Variants in RPTOR observed in about 807,000 individuals in gnomAD.
The protein encoded by RPTOR is regulatory-associated protein of mTOR.
A neutral mutation model predicts 169.9 loss-of-function variants in RPTOR; 21 were observed. The ratio of observed to expected loss-of-function variants is 0.12; its 90% CI spans 0.09 to 0.18. The LOEUF (loss-of-function observed/expected upper bound fraction) is 0.18, where lower values mean the gene tolerates loss of function less well. Among genes scored for constraint, RPTOR ranks in the 10% least tolerant of loss-of-function variants. The pLI, the probability that RPTOR is intolerant of heterozygous loss-of-function variation, is 1.00. For missense variants in RPTOR, 1,133 were observed against 1,855.9 expected (o/e 0.61, Z 7.16); for synonymous variants, 732 against 753.2 (o/e 0.97, Z 0.46).
In RPTOR at chr17:80,846,460, G is replaced by C; in HGVS notation, c.1213-13G>C. ...CATGGCCCTAACAAGCACCTGTTCT[G>C]CTTGCCCCGCAGCACAGCCCGTTCT... On this transcript the variant is annotated splice_polypyrimidine_tract_variant and intron_variant, in intron 10 of 33. Coordinates refer to ENST00000306801, the MANE Select transcript of RPTOR (RefSeq NM_020761.3). The C allele has an allele frequency of 6.2e-7, 1 of 1,613,004 alleles. No individual in the cohort carries two copies. The highest frequency in any genetic ancestry group is 8.5e-7 in the Non-Finnish European group (1 of 1,179,546).
chr17:80,923,116 A>G (rs950152027), intron 22 of RPTOR, among the ~76,000 whole-genome samples: 2 of 152,162 alleles, frequency 1.3e-5, no homozygotes, highest in Admixed American at 1.3e-4. Context: ...AGAGTTTGTA[A>G]GAGGGGATCT....
Position 80,949,541 on chromosome 17 carries a change from A to G in RPTOR, c.3364A>G (p.Thr1122Ala), listed in dbSNP as rs2069146813. 6.2e-7 allele frequency: 1 copy of G among 1,613,626 alleles called. No homozygotes were observed. The highest frequency in any genetic ancestry group is 8.5e-7 in the Non-Finnish European group (1 of 1,179,912). ...GGGGCTCTCGGACATGCTGCCAACG[A>G]CGCGAGGTGGGTCCGCCCGGCTCCT... ...WQGLSDMLPT[T>A]RGAGMVVDWE... Residue 1122 changes from threonine (T) to alanine (A), a missense_variant, in exon 28 of 34, where the codon ACG (threonine) becomes GCG (alanine). Around this residue, in one of 9 missense-constraint regions of RPTOR, gnomAD observed 410 missense variants for 623.7 expected, o/e 0.66. Coordinates refer to ENST00000306801, the MANE Select transcript of RPTOR (RefSeq NM_020761.3).
intron 3 of RPTOR, among the ~76,000 whole-genome samples, chr17:80,701,541 C>G (rs1598237366): frequency 6.6e-6 from 1 of 152,178 alleles, no homozygotes; most frequent in African/African-American, 2.4e-5. Context: ...GAAATCTTTG[C>G]ATCCTACTTG....
chr17:80,593,070 A>G (rs1599584289), intron 1 of RPTOR, among the ~76,000 whole-genome samples: 1 of 152,126 alleles, frequency 6.6e-6, no homozygotes, highest in East Asian at 1.9e-4. Context: ...CTGGTTGCTG[A>G]GGGACAGGCA....
chr17:80,826,750 G>A (rs975761479), intron 9 of RPTOR, among the ~76,000 whole-genome samples: 4 of 152,222 alleles, frequency 2.6e-5, no homozygotes, highest in African/African-American at 9.6e-5. Flanking sequence ...CCTCCAGTGG[G>A]GTGCACAGGG....
chr17:80,757,407 G>A (rs758621712), intron 6 of RPTOR, among the ~76,000 whole-genome samples: 8 of 152,090 alleles, frequency 5.3e-5, no homozygotes, highest in Non-Finnish European at 8.8e-5. Flanking sequence ...CTGTAATGTC[G>A]AAGTCCTTTC....
At chr17:80,757,836 C>CA in intron 6 of RPTOR, among the ~76,000 whole-genome samples, 1 of 152,130 alleles carries the variant, frequency 6.6e-6, no homozygotes, top group Non-Finnish European at 1.5e-5. Context: ...ATGCGCCCCT[C>CA]ATTGTAGTCT....
Position 80,545,502 on chromosome 17 carries a change from T to C in RPTOR, c.-128T>C. On this transcript the variant is annotated 5_prime_UTR_variant, in exon 1 of 34. Coordinates refer to ENST00000306801, the MANE Select transcript of RPTOR (RefSeq NM_020761.3). ...TGCCTGAGTAAGGGTCTCCGCACTCTTTATCCATTTGGTTTTCGATTTCCC... is the reference window on the plus strand; with the variant it reads ...TGCCTGAGTAAGGGTCTCCGCACTCCTTATCCATTTGGTTTTCGATTTCCC... The C allele has an allele frequency of 1.4e-6, 1 of 721,406 alleles. No homozygotes were observed. Among genetic ancestry groups the C allele is most frequent in the Non-Finnish European group, 2.3e-6 (1 of 429,160 alleles). 44.7% of individuals were successfully genotyped at this position (721,406 alleles called of 1,614,324 possible).
chr17:80,834,717 T>C lies in RPTOR; in HGVS notation c.1137-3205T>C, dbSNP rs199997324. Among the ~76,000 whole-genome samples the C allele has an allele frequency of 5.3e-5, 8 of 152,282 alleles. No homozygotes were observed. The East Asian group carries it at 1.5e-3, about 29-fold the overall frequency. On this transcript the variant is annotated intron_variant, in intron 9 of 33. Transcript: ENST00000306801. ...GTGCTGAGCGATGTCTCCAGTGCAG[T>C]TCAGGCCTTCAACACCAAGCGAGGG...
chr17:80,755,833 G>A (rs1194923439), intron 6 of RPTOR, among the ~76,000 whole-genome samples: 1 of 151,870 alleles, frequency 6.6e-6, no homozygotes, highest in African/African-American at 2.4e-5. Context: ...CTGCTGTCCA[G>A]CCAGTACCCC....
intron 1 of RPTOR, among the ~76,000 whole-genome samples, chr17:80,581,542 C>T (rs913939486): frequency 7.3e-6 from 1 of 137,854 alleles, no homozygotes; most frequent in Non-Finnish European, 1.6e-5. Flanking sequence ...TACCGCACAT[C>T]GGGCCAGTGC....
At chr17:80,961,148 G>A (rs1454363093) in intron 30 of RPTOR, 3 of 494,264 alleles carry the variant, frequency 6.1e-6, no homozygotes, top group East Asian at 6.3e-5. Flanking sequence ...TCCTCCAGCG[G>A]CCTGACGGTG....
chr17:80,787,796 A>G (rs1186609517), intron 6 of RPTOR, among the ~76,000 whole-genome samples: 3 of 152,100 alleles, frequency 2.0e-5, no homozygotes, highest in Admixed American at 1.3e-4. Context: ...TTCAGTGGCC[A>G]TAGTTATGTC....
chr17:80,749,365 A>G (rs1598279274), intron 5 of RPTOR, among the ~76,000 whole-genome samples: 3 of 44,436 alleles, frequency 6.8e-5, no homozygotes, highest in African/African-American at 1.6e-4. Context: ...GACCTGTTGG[A>G]TGGAGGGACT....
chr17:80,813,141 G>T (rs2067289999), intron 7 of RPTOR, among the ~76,000 whole-genome samples: 1 of 152,156 alleles, frequency 6.6e-6, no homozygotes, highest in Non-Finnish European at 1.5e-5. Flanking sequence ...CGCTAAAATG[G>T]ACTTTAATTA....
chr17:80,734,756 A>G (rs564925861), intron 5 of RPTOR, among the ~76,000 whole-genome samples: 64 of 152,268 alleles, frequency 4.2e-4, no homozygotes, highest in Non-Finnish European at 8.7e-4. Flanking sequence ...CGCCCTCTGT[A>G]TCTGTGGCTT....
At chr17:80,758,193 TC>T (rs1276085994) in intron 6 of RPTOR, among the ~76,000 whole-genome samples, 4 of 152,196 alleles carry the variant, frequency 2.6e-5, no homozygotes, top group Non-Finnish European at 5.9e-5. Context: ...TCTGAACCCT[TC>T]AAGGCAATGT....
chr17:80,957,838 G>A lies in RPTOR; in HGVS notation c.3477+108G>A. ...TGTGCGGTGAGGCCTGGCCATCCCA[G>A]GGGTGGAGTCAGGGCCTGGGAGGAC... is the stretch of plus-strand genomic sequence containing the variant. On this transcript the variant is annotated intron_variant, in intron 29 of 33. Coordinates refer to ENST00000306801, the MANE Select transcript of RPTOR (RefSeq NM_020761.3). This position sits in a 1 kb window ranked among gnomAD's most constrained non-coding sequence, Gnocchi z 4.6. The A allele has an allele frequency of 1.0e-6, 1 of 1,004,576 alleles. No individual in the cohort carries two copies. The highest frequency in any genetic ancestry group is 2.5e-5 in the East Asian group (1 of 39,962). 62.2% of individuals were successfully genotyped at this position (1,004,576 alleles called of 1,614,324 possible). A position where few individuals can be genotyped will look rare whatever the true frequency, so the allele number is the denominator to read the frequency against.
chr17:80,877,281 G>A (rs760913201), intron 13 of RPTOR, among the ~76,000 whole-genome samples: 5 of 152,344 alleles, frequency 3.3e-5, no homozygotes, highest in East Asian at 1.9e-4. Context: ...TCCTGCCTGC[G>A]GGGAGGGTGG....
Sources: allele counts gnomAD v4.1 joint callset (sites outside exome capture counted in the v4.1 genomes callset), GRCh38; gene constraint gnomAD v4.1.1; regional missense constraint gnomAD v4.1.1; non-coding constraint Gnocchi (gnomAD v3.1); transcripts MANE v1.5; gene names NCBI Gene and HGNC (gene_info 2026-07-23, HGNC 2026-07-21).